LRRIQ4: variants seen among roughly 807,000 people sequenced by gnomAD.
LRRIQ4 encodes leucine rich repeats and IQ motif containing 4, also known as leucine-rich repeat and IQ domain-containing protein 4.
Under a neutral mutation model 40.1 loss-of-function variants are expected in LRRIQ4, and 21 were observed. That is an observed-to-expected ratio of 0.52 (90% CI 0.37 to 0.75). The LOEUF (loss-of-function observed/expected upper bound fraction) is 0.75. Among genes scored for constraint, LRRIQ4 ranks in the 30% least tolerant of loss-of-function variants. The pLI, the probability that LRRIQ4 is intolerant of heterozygous loss-of-function variation, is 0.00. For missense variants in LRRIQ4, 655 were observed against 660.0 expected, an observed-to-expected ratio of 0.99 and a Z score of 0.08; for synonymous variants, 277 against 277.1, an observed-to-expected ratio of 1.00 and a Z score of 0.00.
rs150117286 is a variant in LRRIQ4 at position 169,830,539 on chromosome 3, C to T, written c.1242C>T (p.Pro414=). Residue 414 remains proline (P), a synonymous_variant, in exon 4 of 6, where the codon CCC becomes CCT. Transcript: ENST00000340806. ...YIENNHLEYL[P]VSLGSMPNLE... The stretch of plus-strand genomic sequence containing the variant: ...AGAACAATCATCTGGAGTACCTGCC[C>T]GTATCCTTGGGGTCAATGCCTAACC... The T allele has an allele frequency of 3.4e-5, 55 of 1,612,260 alleles. No individual in the cohort carries two copies. In the South Asian group the frequency reaches 4.2e-4, roughly 12 times the overall value.
At chr3:169,828,227 A>T (rs902499734) in intron 2 of LRRIQ4, among the ~76,000 whole-genome samples, 5 of 151,948 alleles carry the variant, frequency 3.3e-5, no homozygotes, top group African/African-American at 1.2e-4. Context: ...ATAGGTTAAA[A>T]ATTGCTCCAA....
rs767207576 is a variant in LRRIQ4 at position 169,822,794 on chromosome 3, C to T, written c.873C>T (p.Gly291=). The T allele has an allele frequency of 4.3e-6, 7 of 1,613,628 alleles. No homozygotes were observed. In the East Asian group the frequency reaches 1.1e-4, roughly 26 times the overall value. The change falls in exon 2 of 6, where the codon GGC becomes GGT. Residue 291 remains glycine (G), a synonymous_variant. Coordinates refer to ENST00000340806, the MANE Select transcript of LRRIQ4 (RefSeq NM_001080460.3). ...SLHLLYLGNT[G]LHRLRGSFRC... ...ACCTGCTCTACCTGGGAAACACCGG[C>T]CTGCACAGGCTGCGGGGCTCCTTCA... is the stretch of plus-strand genomic sequence containing the variant.
intron 2 of LRRIQ4, among the ~76,000 whole-genome samples, chr3:169,823,638 G>C (rs1302952467): frequency 1.3e-5 from 2 of 152,098 alleles, no homozygotes; most frequent in Non-Finnish European, 2.9e-5. Flanking sequence ...GAGCCACCGC[G>C]CACGGCCCAG....
chr3:169,832,654 A>AAAAAG (rs1780207794), intron 4 of LRRIQ4, among the ~76,000 whole-genome samples: 2 of 150,516 alleles, frequency 1.3e-5, no homozygotes, highest in Non-Finnish European at 3.0e-5. Context: ...AAAAAAAAAA[A>AAAAAG]TCAATAGTCT....
Position 169,830,747 on chromosome 3 carries a change from C to A in LRRIQ4, c.1333+117C>A, listed in dbSNP as rs58497965. 32,586 of 1,246,762 alleles carry A rather than the reference C, an allele frequency of 0.026. 2,622 individuals are homozygous for A. In the East Asian group the frequency reaches 0.33, roughly 12 times the overall value. 77.2% of individuals were successfully genotyped at this position (1,246,762 alleles called of 1,614,324 possible). A position where few individuals can be genotyped will look rare whatever the true frequency, so the allele number is the denominator to read the frequency against. On this transcript the variant is annotated intron_variant, in intron 4 of 5. Coordinates refer to ENST00000340806, the MANE Select transcript of LRRIQ4 (RefSeq NM_001080460.3). ...TCAGTGTTCAGAGAACTGAGTCTATCCCATTACTTCCTTGCAGGGCTCACT... is the reference window on the plus strand; with the variant it reads ...TCAGTGTTCAGAGAACTGAGTCTATACCATTACTTCCTTGCAGGGCTCACT...
At chr3:169,836,104 C>T (rs1560617025) in intron 5 of LRRIQ4, among the ~76,000 whole-genome samples, 1 of 151,212 alleles carries the variant, frequency 6.6e-6, no homozygotes. Flanking sequence ...CCTCACAGTA[C>T]TTAAAATCTA....
chr3:169,822,347 C>G lies in LRRIQ4; in HGVS notation c.426C>G (p.His142Gln). The G allele has an allele frequency of 1.2e-6, 2 of 1,613,752 alleles. No homozygotes were observed. Among genetic ancestry groups the G allele is most frequent in the Non-Finnish European group, 1.7e-6 (2 of 1,179,774 alleles). ...CCGTCGTCATCTTTAAAAACCTCCA[C>G]CATCTCGAGCTGCTCGGACTGACCG... ...EIPVVIFKNL[H>Q]HLELLGLTGN... The change falls in exon 2 of 6, where the codon CAC becomes CAG. Residue 142 changes from histidine to glutamine, a missense_variant. His to Gln is a conservative substitution (Grantham distance 24, BLOSUM62 0). Coordinates refer to ENST00000340806, the MANE Select transcript of LRRIQ4 (RefSeq NM_001080460.3).
intron 5 of LRRIQ4, among the ~76,000 whole-genome samples, chr3:169,835,710 G>T (rs9833035): frequency 0.3 from 46,167 of 151,900 alleles, 7,498 homozygotes; most frequent in East Asian, 0.62. Context: ...GAGCAGTGCT[G>T]TTCCCTGGAT....
Position 169,822,735 on chromosome 3 carries a change from G to C in LRRIQ4, c.814G>C (p.Val272Leu). 6.2e-7 allele frequency: 1 copy of C among 1,613,918 alleles called. No homozygotes were observed. Among genetic ancestry groups the C allele is most frequent in the Non-Finnish European group, 8.5e-7 (1 of 1,179,830 alleles). ...IGLSGNRLEK[V>L]PRLICRWTSL... ...GCTGAGCGGGAACCGCCTGGAGAAGGTGCCACGCCTCATTTGCAGGTGGAC... is the reference window on the plus strand; with the variant it reads ...GCTGAGCGGGAACCGCCTGGAGAAGCTGCCACGCCTCATTTGCAGGTGGAC... Residue 272 changes from valine to leucine, a missense_variant, in exon 2 of 6, where the codon GTG (valine) becomes CTG (leucine). Val to Leu is a conservative substitution (Grantham distance 32). Transcript: ENST00000340806.
At chr3:169,814,666 G>T (rs1779726608) in intron 1 of LRRIQ4, among the ~76,000 whole-genome samples, 1 of 152,202 alleles carries the variant, frequency 6.6e-6, no homozygotes, top group East Asian at 1.9e-4. Context: ...TGTATTTTTA[G>T]TAGAGACAGG....
rs1315436036 is a variant in LRRIQ4 at position 169,828,541 on chromosome 3, A to G, written c.1021-218A>G. 3.3e-5 allele frequency among the ~76,000 whole-genome samples: 5 copies of G among 152,322 alleles called. No homozygotes were observed. In the South Asian group the frequency reaches 6.2e-4, roughly 19 times the overall value. On this transcript the variant is annotated intron_variant, in intron 2 of 5. Coordinates refer to ENST00000340806, the MANE Select transcript of LRRIQ4 (RefSeq NM_001080460.3). Reference sequence around the variant, plus strand: ...AAACCACCGCGCCCAGCCACAAAAAATTGCTCCAGTTTAAAGTGGTGCATA... The same window carrying G: ...AAACCACCGCGCCCAGCCACAAAAAGTTGCTCCAGTTTAAAGTGGTGCATA...
intron 2 of LRRIQ4, among the ~76,000 whole-genome samples, chr3:169,826,554 AT>A (rs1780045339): frequency 6.6e-6 from 1 of 152,190 alleles, no homozygotes; most frequent in Admixed American, 6.5e-5. Context: ...TACTATGACT[AT>A]GATGAAACTA....
chr3:169,832,880 C>G lies in LRRIQ4; in HGVS notation c.1334-107C>G, dbSNP rs536277000. 3.0e-4 allele frequency: 287 copies of G among 971,790 alleles called. 5 individuals carry two copies. The South Asian group carries it at 4.8e-3, about 16-fold the overall frequency. The allele number at this position is 971,790 out of a possible 1,614,324, so 60.2% of individuals were successfully genotyped here. A position where few individuals can be genotyped will look rare whatever the true frequency, so the allele number is the denominator to read the frequency against. On this transcript the variant is annotated intron_variant, in intron 4 of 5. Transcript: ENST00000340806. The stretch of plus-strand genomic sequence containing the variant: ...TCTTGTGCATCCTTCCTCTCATTCC[C>G]TTTGCAAATGCAGAATTGGATCCCT...
intron 1 of LRRIQ4, among the ~76,000 whole-genome samples, chr3:169,819,781 G>C (rs1262728585): frequency 1.3e-5 from 2 of 152,216 alleles, no homozygotes; most frequent in African/African-American, 4.8e-5. Flanking sequence ...CAGTGTTCTT[G>C]GTGTTCCCTA....
intron 1 of LRRIQ4, 116 bp from the exon 2 acceptor site, chr3:169,821,775 T>G (rs1779895869): frequency 1.9e-6 from 1 of 525,390 alleles, no homozygotes; most frequent in African/African-American, 2.0e-5. Flanking sequence ...TTATGTTCTG[T>G]CATAATTTCA....
At chr3:169,835,496 G>A (rs566229187) in intron 5 of LRRIQ4, among the ~76,000 whole-genome samples, 8 of 151,832 alleles carry the variant, frequency 5.3e-5, no homozygotes, top group Non-Finnish European at 1.2e-4. Context: ...CAACTGGGAT[G>A]GGGGATCTGC....
chr3:169,828,905 T>C lies in LRRIQ4; in HGVS notation c.1167T>C (p.Tyr389=). ...AAGACCAGGGATTCAAACTTACCTATGTGCCAGAACACATTAGGAAACTGC... is the reference window on the plus strand; with the variant it reads ...AAGACCAGGGATTCAAACTTACCTACGTGCCAGAACACATTAGGAAACTGC... The part of the protein sequence containing the change: ...IGQDQGFKLT[Y]VPEHIRKLQS... The change falls in exon 3 of 6, where the codon TAT becomes TAC. Residue 389 remains tyrosine (Y), a synonymous_variant. Coordinates refer to ENST00000340806, the MANE Select transcript of LRRIQ4 (RefSeq NM_001080460.3). 1.9e-6 allele frequency: 3 copies of C among 1,613,502 alleles called. No individual in the cohort carries two copies. Among genetic ancestry groups the C allele is most frequent in the African/African-American group, 1.3e-5 (1 of 75,004 alleles).
At chr3:169,816,697 G>A (rs1331698930) in intron 1 of LRRIQ4, among the ~76,000 whole-genome samples, 2 of 134,564 alleles carry the variant, frequency 1.5e-5, no homozygotes, top group African/African-American at 5.8e-5. Flanking sequence ...TTTTGACAGA[G>A]TTTTGCTCTG....
At chr3:169,827,476 G>A (rs1203284847) in intron 2 of LRRIQ4, among the ~76,000 whole-genome samples, 1 of 151,894 alleles carries the variant, frequency 6.6e-6, no homozygotes, top group Non-Finnish European at 1.5e-5. Flanking sequence ...GCGTGGTGGT[G>A]GGCGCCTGTA....
Sources: gnomAD v4.1 joint callset for allele counts (sites outside exome capture counted in the v4.1 genomes callset) on GRCh38, gnomAD v4.1.1 for gene constraint, MANE v1.5 for transcripts, NCBI Gene and HGNC (gene_info 2026-07-23, HGNC 2026-07-21) for gene names.